CBFA2T2: variants seen among roughly 807,000 people sequenced by gnomAD.
CBFA2T2 encodes CBFA2/RUNX1 partner transcriptional co-repressor 2, also known as protein CBFA2T2.
In CBFA2T2, 11 loss-of-function variants were observed where a neutral mutation model predicts 62.2. That is an observed-to-expected ratio of 0.18 (90% CI 0.11 to 0.29). CBFA2T2 has a LOEUF of 0.29. Among genes scored for constraint, CBFA2T2 ranks in the 10% least tolerant of loss-of-function variants. The probability of loss-of-function intolerance (pLI) is 1.00; values close to 1 mark genes in which losing one functional copy is unlikely to be tolerated. For synonymous variants in CBFA2T2, 295 were observed against 287.5 expected (o/e 1.03, Z -0.27); for missense variants, 592 against 774.1 (o/e 0.76, Z 2.79).
At chr20:33,622,568 CTACT>C (rs1412951763) in intron 4 of CBFA2T2, among the ~76,000 whole-genome samples, 5 of 152,078 alleles carry the variant, frequency 3.3e-5, no homozygotes, top group African/African-American at 1.2e-4. Context: ...AGAAAAATAC[CTACT>C]TAATGAATTA....
intron 1 of CBFA2T2, among the ~76,000 whole-genome samples, chr20:33,536,570 T>G (rs960698915): frequency 4.0e-5 from 6 of 148,598 alleles, no homozygotes; most frequent in Non-Finnish European, 8.9e-5. Context: ...GGCTCCTCAC[T>G]TCTCAGACGG....
chr20:33,535,682 A>G (rs1365631626), intron 1 of CBFA2T2, among the ~76,000 whole-genome samples: 1 of 109,650 alleles, frequency 9.1e-6, no homozygotes, highest in East Asian at 2.5e-4. Context: ...TTATTTATTT[A>G]TTTTTAATTG....
rs897566033 is a variant in CBFA2T2 at position 33,628,919 on chromosome 20, A to G, written c.1032+484A>G. Among the ~76,000 whole-genome samples, 8 of 152,242 alleles carry G rather than the reference A, an allele frequency of 5.3e-5. No individual in the cohort carries two copies. In the East Asian group the frequency reaches 1.5e-3, roughly 29 times the overall value. ...GTCACTCCCTAATCTTTGTGATGGG[A>G]TGATCACTTCAGGTCAGAAACCAAA... On this transcript the variant is annotated intron_variant, in intron 7 of 10. Transcript: ENST00000342704.
intron 2 of CBFA2T2, among the ~76,000 whole-genome samples, chr20:33,609,751 G>A (rs1242463303): frequency 6.6e-6 from 1 of 152,150 alleles, no homozygotes; most frequent in Non-Finnish European, 1.5e-5. Context: ...GAAGGGAAGT[G>A]GAAGATTTTT....
chr20:33,571,700 C>T (rs1030235059), intron 1 of CBFA2T2, among the ~76,000 whole-genome samples: 2 of 152,154 alleles, frequency 1.3e-5, no homozygotes, highest in Middle Eastern at 3.2e-3. Flanking sequence ...ATAATTCATT[C>T]CTGCCAAGTG....
At position 33,644,803 on chromosome 20, in the gene CBFA2T2, C is replaced by A; in HGVS notation, c.*157C>A. On this transcript the variant is annotated 3_prime_UTR_variant, in exon 11 of 11. Transcript: ENST00000342704. ...AAGCCTGAATAATAACACCCCACAGCCTCTCTGTGCACTTGCTGTCTGCGG... is the reference window on the plus strand; with the variant it reads ...AAGCCTGAATAATAACACCCCACAGACTCTCTGTGCACTTGCTGTCTGCGG... 4.0e-6 allele frequency: 3 copies of A among 743,258 alleles called. No homozygotes were observed. In the South Asian group the frequency reaches 5.6e-5, roughly 14 times the overall value. 46.0% of individuals were successfully genotyped at this position (743,258 alleles called of 1,614,324 possible).
At chr20:33,640,007 A>C (rs2016771352) in intron 9 of CBFA2T2, among the ~76,000 whole-genome samples, 1 of 152,216 alleles carries the variant, frequency 6.6e-6, no homozygotes, top group Admixed American at 6.5e-5. Context: ...CTGCCCACTG[A>C]AGAGCTGATC....
intron 8 of CBFA2T2, among the ~76,000 whole-genome samples, chr20:33,630,894 T>C (rs1231337535): frequency 6.6e-6 from 1 of 152,164 alleles, no homozygotes; most frequent in African/African-American, 2.4e-5. Flanking sequence ...AGGCTCACCT[T>C]TCCCCACCCC....
chr20:33,560,765 T>G (rs1408512184), intron 1 of CBFA2T2, among the ~76,000 whole-genome samples: 1 of 152,210 alleles, frequency 6.6e-6, no homozygotes, highest in African/African-American at 2.4e-5. Context: ...ATGCAGGGGA[T>G]CTTTCATGCC....
intron 1 of CBFA2T2, among the ~76,000 whole-genome samples, chr20:33,542,716 G>C (rs6120296): frequency 6.6e-6 from 1 of 152,058 alleles, no homozygotes; most frequent in Non-Finnish European, 1.5e-5. Context: ...CTGCCATGGA[G>C]GCTGGAGTGT....
At chr20:33,509,893 C>T (rs538239547) in intron 1 of CBFA2T2, among the ~76,000 whole-genome samples, 22 of 151,080 alleles carry the variant, frequency 1.5e-4, no homozygotes, top group African/African-American at 5.1e-4. Context: ...CATAGGTATA[C>T]ATGTGCCATG....
intron 1 of CBFA2T2, among the ~76,000 whole-genome samples, chr20:33,584,718 G>T (rs1476945181): frequency 1.3e-5 from 2 of 152,122 alleles, no homozygotes; most frequent in African/African-American, 2.4e-5. Flanking sequence ...GTAAAATGGT[G>T]TGCAGTTTAG....
In CBFA2T2 at chr20:33,625,270, T is replaced by A. The variant is rs190780297; in HGVS notation, c.946+253T>A. Among the ~76,000 whole-genome samples, 142 of 151,944 alleles carry A rather than the reference T, an allele frequency of 9.3e-4. 1 individual carries two copies. Among genetic ancestry groups the A allele is most frequent in the Non-Finnish European group, 1.6e-3 (106 of 67,932 alleles). On this transcript the variant is annotated intron_variant, in intron 6 of 10. Coordinates refer to ENST00000342704, the MANE Select transcript of CBFA2T2 (RefSeq NM_001032999.3). ...ATCCCAGCTCTTAGAGAGGCTGAGG[T>A]GGAAGGATCACTTGAAGCCAGTCTG...
At chr20:33,571,151 A>G (rs1482767097) in intron 1 of CBFA2T2, among the ~76,000 whole-genome samples, 1 of 152,210 alleles carries the variant, frequency 6.6e-6, no homozygotes, top group African/African-American at 2.4e-5. Flanking sequence ...TCTAACAACA[A>G]ATCTTTTTAA....
chr20:33,491,858 C>T (rs1008703951), intron 1 of CBFA2T2, among the ~76,000 whole-genome samples: 8 of 151,886 alleles, frequency 5.3e-5, no homozygotes, highest in Non-Finnish European at 1.0e-4. Context: ...TATGCCACCA[C>T]GCTCGGCCAA....
intron 7 of CBFA2T2, 101 bp from the exon 8 acceptor site, chr20:33,629,617 CT>C (rs1407722941): frequency 5.6e-6 from 6 of 1,063,544 alleles, no homozygotes; most frequent in African/African-American, 3.2e-5. Flanking sequence ...TAAATCTGTA[CT>C]TTAAGGAACC....
At chr20:33,563,341 G>C (rs770859576) in intron 1 of CBFA2T2, among the ~76,000 whole-genome samples, 16 of 152,244 alleles carry the variant, frequency 1.1e-4, no homozygotes, top group Non-Finnish European at 1.9e-4. Flanking sequence ...GTCCTGGTTA[G>C]TTTGTGATGC....
intron 1 of CBFA2T2, among the ~76,000 whole-genome samples, chr20:33,573,536 C>T (rs1293538493): frequency 1.3e-5 from 2 of 151,758 alleles, no homozygotes; most frequent in Non-Finnish European, 2.9e-5. Context: ...GGCTGAAGTG[C>T]AGTGGCGTGA....
chr20:33,509,291 C>T (rs2011462575), intron 1 of CBFA2T2, among the ~76,000 whole-genome samples: 1 of 151,984 alleles, frequency 6.6e-6, no homozygotes, highest in Admixed American at 6.6e-5. Flanking sequence ...CACTTGAACT[C>T]TGGAGGTGGA....
Sources: allele counts gnomAD v4.1 joint callset (sites outside exome capture counted in the v4.1 genomes callset), GRCh38; gene constraint gnomAD v4.1.1; transcripts MANE v1.5; gene names NCBI Gene and HGNC (gene_info 2026-07-23, HGNC 2026-07-21).